Variants in RFPL2 observed in about 807,000 individuals in gnomAD.
RFPL2 encodes ret finger protein like 2, also known as ret finger protein-like 2.
Under a neutral mutation model 17.8 loss-of-function variants are expected in RFPL2, and 13 were observed. The observed-to-expected ratio is 0.73, with a 90% CI of 0.47 to 1.16. RFPL2 has a LOEUF of 1.16. Ranked by LOEUF, RFPL2 falls within the 50% of genes most tolerant of loss-of-function variation. RFPL2 has a pLI of 0.00. For synonymous variants in RFPL2, 189 were observed against 180.9 expected, an observed-to-expected ratio of 1.04 and a Z score of -0.36; for missense variants, 431 against 479.3, an observed-to-expected ratio of 0.90 and a Z score of 0.94.
At chr22:32,193,469 A>C in intron 3 of RFPL2, 2 of 1,443,438 alleles carry the variant, frequency 1.4e-6, no homozygotes, top group Non-Finnish European at 1.8e-6. Context: ...AGCCTGAGCC[A>C]GTGACATGGC....
At chr22:32,192,569 C>G (rs1213302622) in intron 4 of RFPL2, among the ~76,000 whole-genome samples, 3 of 152,190 alleles carry the variant, frequency 2.0e-5, no homozygotes, top group Non-Finnish European at 4.4e-5. Context: ...TATGTTTTTG[C>G]TACTCAGCAA....
chr22:32,193,589 C>T (rs903674086), intron 3 of RFPL2: 8 of 974,120 alleles, frequency 8.2e-6, no homozygotes, highest in Non-Finnish European at 1.1e-5. Flanking sequence ...AGGCCGGGCA[C>T]GATGGCTCAT....
chr22:32,195,548 T>C (rs549695191), intron 2 of RFPL2, among the ~76,000 whole-genome samples: 2 of 152,194 alleles, frequency 1.3e-5, no homozygotes, highest in Admixed American at 1.3e-4. Context: ...ATCCGGCTCC[T>C]GGGCTCAAGC....
chr22:32,201,039 CTTTT>C (rs136492), intron 2 of RFPL2, among the ~76,000 whole-genome samples: 1 of 130,540 alleles, frequency 7.7e-6, no homozygotes, highest in African/African-American at 2.9e-5. Context: ...CCCTTATTTC[CTTTT>C]TTTTTTTTTT....
intron 4 of RFPL2, among the ~76,000 whole-genome samples, chr22:32,192,204 G>C (rs1922734113): frequency 6.6e-6 from 1 of 152,130 alleles, no homozygotes; most frequent in African/African-American, 2.4e-5. Context: ...CCAGTGTCGG[G>C]GACATCATAG....
At chr22:32,194,282 C>G (rs1923074694) in intron 3 of RFPL2, 63 bp downstream of exon 3, 1 of 1,556,926 alleles carries the variant, frequency 6.4e-7, no homozygotes. Flanking sequence ...TTCATCCCCC[C>G]AAGTCATAAC....
intron 4 of RFPL2, 149 bp downstream of exon 4, chr22:32,192,753 T>C: frequency 1.7e-6 from 2 of 1,166,054 alleles, no homozygotes; most frequent in Non-Finnish European, 2.4e-6. Context: ...TGATTCTGTA[T>C]GTTGTCAGGG....
Position 32,202,369 on chromosome 22 carries a change from C to G in RFPL2, c.83G>C (p.Trp28Ser). Reference sequence around the variant, plus strand: ...TATCACCATCATGTCTGCAAAGTCCCAGTGGCCACACAATACAGCACATAG... The same window carrying G: ...TATCACCATCATGTCTGCAAAGTCCGAGTGGCCACACAATACAGCACATAG... ...ICLCAVLCGH[W>S]DFADMMVIRS... The change falls in exon 2 of 5, where the codon TGG (tryptophan) becomes TCG (serine). Residue 28 changes from tryptophan to serine, a missense_variant. Transcript: ENST00000652607. 1 of 1,605,524 alleles carries G rather than the reference C, an allele frequency of 6.2e-7. No homozygotes were observed. Among genetic ancestry groups the G allele is most frequent in the Non-Finnish European group, 8.5e-7 (1 of 1,176,100 alleles).
intron 2 of RFPL2, among the ~76,000 whole-genome samples, chr22:32,195,733 C>A (rs1328249042): frequency 6.6e-6 from 1 of 152,038 alleles, no homozygotes; most frequent in East Asian, 1.9e-4. Flanking sequence ...GCTGGGATTA[C>A]AGGTGTGAGC....
At chr22:32,193,308 C>T (rs772006564) in intron 3 of RFPL2, 116 bp from the exon 4 acceptor site, 29 of 1,588,428 alleles carry the variant, frequency 1.8e-5, no homozygotes, top group Middle Eastern at 3.4e-4. Context: ...TTTGTCACTC[C>T]GAGAATAAGA....
Position 32,194,419 on chromosome 22 carries a change from G to T in RFPL2, c.191C>A (p.Ser64Ter). 1 of 1,611,326 alleles carries T rather than the reference G, an allele frequency of 6.2e-7. No individual in the cohort carries two copies. The highest frequency in any genetic ancestry group is 1.3e-5 in the African/African-American group (1 of 74,768). ...GGGNLTNKRP[S>*]CAPSPQDLSA... ...CAGGTCTTGTGGGGAAGGGGCACAC[G>T]AGGGCCTTTTATTGGTGAGATTCCC... The change falls in exon 3 of 5, where the codon TCG (serine) becomes TAG (stop). Residue 64 changes from serine (S) to a stop codon, truncating the protein, a stop_gained. Coordinates refer to ENST00000652607, the MANE Select transcript of RFPL2 (RefSeq NM_001394555.1). LOFTEE classifies it high-confidence loss of function.
At chr22:32,202,872 C>T (rs1307374277) in intron 1 of RFPL2, 1 of 1,030,574 alleles carries the variant, frequency 9.7e-7, no homozygotes, top group Non-Finnish European at 1.2e-6. Context: ...CCACAGGGCC[C>T]TGTAGCCTCC....
At position 32,193,127 on chromosome 22, in the gene RFPL2, G is replaced by T. The variant is rs186339394; in HGVS notation, c.331C>A (p.Pro111Thr). Residue 111 changes from proline (P) to threonine (T), a missense_variant, in exon 4 of 5, where the codon CCA (proline) becomes ACA (threonine). By Grantham distance (38) the Pro-to-Thr change is conservative. Coordinates refer to ENST00000652607, the MANE Select transcript of RFPL2 (RefSeq NM_001394555.1). ...GCGCATCCACACTCCAGGGACATTGGTTTTTCCAGATAGTCTGAGCAGACG... is the reference window on the plus strand; with the variant it reads ...GCGCATCCACACTCCAGGGACATTGTTTTTTCCAGATAGTCTGAGCAGACG... ...CPVCSDYLEK[P>T]MSLECGCAVC... 1.2e-6 allele frequency: 2 copies of T among 1,613,978 alleles called. No individual in the cohort carries two copies. Among genetic ancestry groups the T allele is most frequent in the Admixed American group, 3.3e-5 (2 of 60,016 alleles).
At chr22:32,202,184 C>T in intron 2 of RFPL2, 149 bp downstream of exon 2, 1 of 950,892 alleles carries the variant, frequency 1.1e-6, no homozygotes, top group Non-Finnish European at 1.5e-6. Flanking sequence ...CCCCCACTTT[C>T]TGTCTTCCTC....
rs573793350 is a variant in RFPL2 at position 32,197,621 on chromosome 22, T to C, written c.120-3131A>G. Among the ~76,000 whole-genome samples the C allele has an allele frequency of 2.0e-5, 3 of 152,260 alleles. No individual in the cohort carries two copies. The East Asian group carries it at 5.8e-4, about 29-fold the overall frequency. On this transcript the variant is annotated intron_variant, in intron 2 of 4. Transcript: ENST00000652607. The stretch of plus-strand genomic sequence containing the variant: ...CCCACCCTGTGTCCAAGTGTTCTCA[T>C]TGTTCAAATCCCACCTACGAGTGAG...
chr22:32,190,702 T>A lies in RFPL2; in HGVS notation c.*70A>T. On this transcript the variant is annotated 3_prime_UTR_variant, in exon 5 of 5. Coordinates refer to ENST00000652607, the MANE Select transcript of RFPL2 (RefSeq NM_001394555.1). ...GACTTTGTATAATGCTTTTACGAAG[T>A]AGAGCGTTCCTAAGTCTACCCACCC... is the stretch of plus-strand genomic sequence containing the variant. The A allele has an allele frequency of 1.4e-6, 2 of 1,428,780 alleles. No homozygotes were observed. The highest frequency in any genetic ancestry group is 1.5e-5 in the South Asian group (1 of 66,502). The allele number at this position is 1,428,780 out of a possible 1,614,324, so 88.5% of individuals were successfully genotyped here.
intron 3 of RFPL2, among the ~76,000 whole-genome samples, chr22:32,193,856 C>A (rs1387010308): frequency 8.9e-6 from 1 of 111,800 alleles, no homozygotes; most frequent in Admixed American, 9.8e-5. Flanking sequence ...GAGTGAGACA[C>A]CATCTCAAAA....
At position 32,191,105 on chromosome 22, in the gene RFPL2, G is replaced by A. The variant is rs1200769143; in HGVS notation, c.804C>T (p.Ile268=). The A allele has an allele frequency of 6.2e-7, 1 of 1,613,826 alleles. No individual in the cohort carries two copies. The highest frequency in any genetic ancestry group is 8.5e-7 in the Non-Finnish European group (1 of 1,179,878). Reference sequence around the variant, plus strand: ...AGAATCCAAGCTCTGTGGTCAGCTGGATCCTCCCTTTGCGGTGAACAGATT... The same window carrying A: ...AGAATCCAAGCTCTGTGGTCAGCTGAATCCTCCCTTTGCGGTGAACAGATT... ...CRESVHRKGR[I]QLTTELGFWT... The change falls in exon 5 of 5, where the codon ATC becomes ATT. Residue 268 remains isoleucine, a synonymous_variant. Coordinates refer to ENST00000652607, the MANE Select transcript of RFPL2 (RefSeq NM_001394555.1).
Position 32,193,113 on chromosome 22 carries a change from C to T in RFPL2, c.345G>A (p.Glu115=). Residue 115 remains glutamate, a synonymous_variant, in exon 4 of 5, where the codon GAG becomes GAA. Transcript: ENST00000652607. ...SDYLEKPMSL[E]CGCAVCLKCI... ...ACTTGAGGCAGACGGCGCATCCACACTCCAGGGACATTGGTTTTTCCAGAT... is the reference window on the plus strand; with the variant it reads ...ACTTGAGGCAGACGGCGCATCCACATTCCAGGGACATTGGTTTTTCCAGAT... 1 of 1,613,998 alleles carries T rather than the reference C, an allele frequency of 6.2e-7. No homozygotes were observed. The highest frequency in any genetic ancestry group is 8.5e-7 in the Non-Finnish European group (1 of 1,179,864).
Sources: allele counts gnomAD v4.1 joint callset (sites outside exome capture counted in the v4.1 genomes callset), GRCh38; gene constraint gnomAD v4.1.1; transcripts MANE v1.5; gene names NCBI Gene and HGNC (gene_info 2026-07-23, HGNC 2026-07-21).